The following DSC3 variants were observed in gnomAD, a reference collection of about 807,000 sequenced individuals.
DSC3 encodes the protein desmocollin 3, also known as desmocollin-3.
In DSC3, 97 loss-of-function variants were observed where a neutral mutation model predicts 89.5. That is an observed-to-expected ratio of 1.08 (90% CI 0.92 to 1.28). The LOEUF is 1.28. DSC3 is among the 50% of genes most tolerant of loss of function. The pLI, the probability that DSC3 is intolerant of heterozygous loss-of-function variation, is 0.00. For synonymous variants in DSC3, 436 were observed against 384.1 expected, an observed-to-expected ratio of 1.14 and a Z score of -1.58; for missense variants, 1,199 against 1,085.3, an observed-to-expected ratio of 1.10 and a Z score of -1.47.
At position 30,996,798 on chromosome 18, in the gene DSC3, A is replaced by C. The variant is rs1192011991; in HGVS notation, c.2486T>G (p.Leu829Arg). Residue 829 changes from leucine (L) to arginine (R), a missense_variant, in exon 15 of 16, where the codon CTC becomes CGC. Coordinates refer to ENST00000360428, the MANE Select transcript of DSC3 (RefSeq NM_001941.5). The part of the protein sequence containing the change: ...SEWHSFTQPR[L>R]GEKLHRCNQN... ...ACACCTAAGGAAACTCACTTCACCG[A>C]GACGGGGTTGAGTAAAACTGTGCCA... 6.2e-7 allele frequency: 1 copy of C among 1,613,720 alleles called. No individual in the cohort carries two copies. The highest frequency in any genetic ancestry group is 1.1e-5 in the South Asian group (1 of 91,046).
chr18:30,989,556 T>C lies in DSC3; in HGVS notation c.*4619A>G, dbSNP rs1984163791. Among the ~76,000 whole-genome samples, 1 of 152,182 alleles carries C rather than the reference T, an allele frequency of 6.6e-6. No homozygotes were observed. Among genetic ancestry groups the C allele is most frequent in the Non-Finnish European group, 1.5e-5 (1 of 68,018 alleles). ...CAGTTTCACAACATTTTAAATGTAC[T>C]AAAGTCACTGAATTATACACTTTAA... On this transcript the variant is annotated 3_prime_UTR_variant, in exon 16 of 16. Transcript: ENST00000360428.
intron 1 of DSC3, among the ~76,000 whole-genome samples, chr18:31,036,817 G>A (rs1281549177): frequency 1.9e-4 from 7 of 37,284 alleles, no homozygotes; most frequent in African/African-American, 8.3e-4. Flanking sequence ...TTTTGAGATG[G>A]AATCTTGCTC....
rs899055720 is a variant in DSC3, at chr18:30,993,224, C to T, written c.*951G>A. ...CCGAAAAAAACACCTCATCTCTGGA[C>T]CCTTGCTACCAAAAAGCAGGGAACC... On this transcript the variant is annotated 3_prime_UTR_variant, in exon 16 of 16. Transcript: ENST00000360428. 3.9e-5 allele frequency: 6 copies of T among 152,138 alleles called. No homozygotes were observed. Among genetic ancestry groups the T allele is most frequent in the Non-Finnish European group, 7.3e-5 (5 of 68,040 alleles). The allele number at this position is 152,138 out of a possible 1,614,324, so 9.4% of individuals were successfully genotyped here.
At chr18:31,012,454 G>C (rs1444666768) in intron 9 of DSC3, among the ~76,000 whole-genome samples, 1 of 152,144 alleles carries the variant, frequency 6.6e-6, no homozygotes, top group Non-Finnish European at 1.5e-5. Context: ...AGAGAGATCT[G>C]GGTTTGTATC....
intron 1 of DSC3, among the ~76,000 whole-genome samples, chr18:31,039,264 T>G (rs757487992): frequency 6.6e-6 from 1 of 152,148 alleles, no homozygotes; most frequent in Non-Finnish European, 1.5e-5. Context: ...ATGGAAAAAT[T>G]TAATGCCAAA....
At chr18:31,041,725 A>G (rs960342607) in intron 1 of DSC3, among the ~76,000 whole-genome samples, 1 of 152,146 alleles carries the variant, frequency 6.6e-6, no homozygotes, top group Non-Finnish European at 1.5e-5. Flanking sequence ...GTGTTCTCAG[A>G]GCATCGTCTC....
intron 6 of DSC3, 57 bp from the exon 7 acceptor site, chr18:31,022,559 A>G: frequency 2.6e-6 from 4 of 1,559,332 alleles, no homozygotes; most frequent in South Asian, 1.1e-5. Flanking sequence ...ATATACTTTC[A>G]AAAGTATCTA....
rs1384676512 is a variant in DSC3 at position 31,008,047 on chromosome 18, C to T, written c.1632G>A (p.Leu544=). The T allele has an allele frequency of 5.0e-6, 8 of 1,613,036 alleles. No individual in the cohort carries two copies. The highest frequency in any genetic ancestry group is 6.8e-6 in the Non-Finnish European group (8 of 1,179,532). ...CTATTGCCAGGACTGTAATATTATACAACTCATTTTTGGGAGTTTCAACCT... is the reference window on the plus strand; with the variant it reads ...CTATTGCCAGGACTGTAATATTATATAACTCATTTTTGGGAGTTTCAACCT... ...DREVETPKNE[L]YNITVLAIDK... Residue 544 remains leucine, a synonymous_variant, in exon 11 of 16, where the codon TTG becomes TTA. Coordinates refer to ENST00000360428, the MANE Select transcript of DSC3 (RefSeq NM_001941.5).
intron 9 of DSC3, among the ~76,000 whole-genome samples, chr18:31,011,095 C>T (rs1985041408): frequency 6.6e-6 from 1 of 152,178 alleles, no homozygotes; most frequent in South Asian, 2.1e-4. Flanking sequence ...TAACATAGTG[C>T]TTGACAGCGT....
At chr18:31,026,241 A>G (rs1985595101) in intron 4 of DSC3, among the ~76,000 whole-genome samples, 1 of 152,104 alleles carries the variant, frequency 6.6e-6, no homozygotes, top group African/African-American at 2.4e-5. Flanking sequence ...ATGTTCAAGG[A>G]GTAGCAAGAA....
chr18:31,035,547 C>T (rs771901366), intron 1 of DSC3, among the ~76,000 whole-genome samples: 9 of 151,958 alleles, frequency 5.9e-5, no homozygotes, highest in Non-Finnish European at 1.3e-4. Context: ...CAACAAACCA[C>T]CCATTGGTTG....
intron 9 of DSC3, among the ~76,000 whole-genome samples, chr18:31,015,953 A>G (rs1266086938): frequency 6.6e-6 from 1 of 152,132 alleles, no homozygotes; most frequent in African/African-American, 2.4e-5. Context: ...CAGTTAAACC[A>G]AGAAGATGAG....
intron 14 of DSC3, among the ~76,000 whole-genome samples, chr18:30,999,938 C>CT (rs1191055851): frequency 2.6e-5 from 4 of 152,166 alleles, no homozygotes; most frequent in African/African-American, 9.7e-5. Context: ...ATCATCAGCT[C>CT]TAGCATTAAA....
chr18:30,997,033 A>T lies in DSC3; in HGVS notation c.2251T>A (p.Phe751Ile). 6.2e-7 allele frequency: 1 copy of T among 1,614,180 alleles called. No individual in the cohort carries two copies. Among genetic ancestry groups the T allele is most frequent in the South Asian group, 1.1e-5 (1 of 91,084 alleles). Reference sequence around the variant, plus strand: ...GAGTTGTTGGTAGTTTGGGTCATAAATCCATTGGCAGAGCACTGAAATAAT... The same window carrying T: ...GAGTTGTTGGTAGTTTGGGTCATAATTCCATTGGCAGAGCACTGAAATAAT... The part of the protein sequence containing the change: ...GDDRVCSANG[F>I]MTQTTNNSSQ... Residue 751 changes from phenylalanine to isoleucine, a missense_variant, in exon 15 of 16, where the codon TTT becomes ATT. Coordinates refer to ENST00000360428, the MANE Select transcript of DSC3 (RefSeq NM_001941.5).
Position 31,018,144 on chromosome 18 carries a change from T to C in DSC3, c.1190A>G (p.Lys397Arg), listed in dbSNP as rs757117351. The C allele has an allele frequency of 6.2e-7, 1 of 1,612,410 alleles. No homozygotes were observed. The highest frequency in any genetic ancestry group is 2.2e-5 in the East Asian group (1 of 44,708). Residue 397 changes from lysine (K) to arginine (R), a missense_variant, in exon 9 of 16, where the codon AAG (lysine) becomes AGG (arginine). By Grantham distance (26) the Lys-to-Arg change is conservative. Transcript: ENST00000360428. Reference sequence around the variant, plus strand: ...TTTGAAATGTCCATTTTCATTTCCCTTTAAAATGGTAAAATTGACTCTCCA... The same window carrying C: ...TTTGAAATGTCCATTTTCATTTCCCCTTAAAATGGTAAAATTGACTCTCCA... Reference protein sequence around the residue: ...ANWRVNFTILKGNENGHFKIS... With the variant: ...ANWRVNFTILRGNENGHFKIS...
At chr18:31,024,323 C>T (rs765898842) in intron 6 of DSC3, 26 bp downstream of exon 6, 1 of 1,546,560 alleles carries the variant, frequency 6.5e-7, no homozygotes, top group Non-Finnish European at 8.7e-7. Context: ...TAAAATGATT[C>T]TTTTTATTCT....
chr18:31,003,365 C>T (rs1389876521), intron 13 of DSC3, among the ~76,000 whole-genome samples: 1 of 152,178 alleles, frequency 6.6e-6, no homozygotes, highest in Admixed American at 6.5e-5. Context: ...GCACCTAGAA[C>T]AGTTTCCTGC....
At chr18:31,042,515 TC>T in intron 1 of DSC3, 76 bp downstream of exon 1, 1 of 1,435,176 alleles carries the variant, frequency 7.0e-7, no homozygotes, top group Non-Finnish European at 9.6e-7. Flanking sequence ...GCCCGCTTTG[TC>T]CCCAGCTCCG....
At chr18:31,002,228 T>C (rs994349570) in intron 13 of DSC3, among the ~76,000 whole-genome samples, 1 of 152,180 alleles carries the variant, frequency 6.6e-6, no homozygotes, top group Non-Finnish European at 1.5e-5. Flanking sequence ...TTGTGGGAGA[T>C]TGAAAATACA....
Sources: allele counts gnomAD v4.1 joint callset (sites outside exome capture counted in the v4.1 genomes callset), GRCh38; gene constraint gnomAD v4.1.1; transcripts MANE v1.5; gene names NCBI Gene and HGNC (gene_info 2026-07-23, HGNC 2026-07-21).